The following TECR variants were observed in gnomAD, a reference collection of about 807,000 sequenced individuals.
The protein encoded by TECR is trans-2,3-enoyl-CoA reductase.
Under a neutral mutation model 50.6 loss-of-function variants are expected in TECR, and 19 were observed. The observed-to-expected ratio is 0.38, with a 90% confidence interval of 0.26 to 0.55. The LOEUF (loss-of-function observed/expected upper bound fraction) is 0.55. Among genes scored for constraint, TECR ranks in the 20% least tolerant of loss-of-function variants. TECR has a pLI of 0.79. For synonymous variants in TECR, 168 were observed against 163.5 expected (o/e 1.03, Z -0.21); for missense variants, 313 against 408.3 (o/e 0.77, Z 2.01).
At chr19:14,547,823 G>A (rs2073355776) in intron 1 of TECR, among the ~76,000 whole-genome samples, 1 of 151,508 alleles carries the variant, frequency 6.6e-6, no homozygotes, top group African/African-American at 2.4e-5. Flanking sequence ...CCTACAGCCG[G>A]CTACTTTTGT....
chr19:14,551,057 A>G (rs2073484450), intron 1 of TECR, among the ~76,000 whole-genome samples: 1 of 151,640 alleles, frequency 6.6e-6, no homozygotes. Flanking sequence ...CCTTAATTAT[A>G]TCTGCAAAGA....
rs370978743 is a variant in TECR, at chr19:14,565,131, C to A, written c.664+8C>A. 1.2e-6 allele frequency: 2 copies of A among 1,613,646 alleles called. No individual in the cohort carries two copies. The highest frequency in any genetic ancestry group is 2.7e-5 in the African/African-American group (2 of 74,934). ...GGGACCTGCGGCCCGCTGGTGAGTG[C>A]CTGCTGGGGGCAGGGGGACAGCTGG... On this transcript the variant is annotated splice_region_variant and intron_variant, in intron 10 of 12. Coordinates refer to ENST00000215567, the MANE Select transcript of TECR (RefSeq NM_138501.6).
At chr19:14,529,827 C>T in intron 1 of TECR, 116 bp downstream of exon 1, 12 of 1,474,112 alleles carry the variant, frequency 8.1e-6, no homozygotes, top group Non-Finnish European at 1.1e-5. Context: ...AGCCAGACGG[C>T]GCAGGCGCAG....
upstream of TECR, chr19:14,529,399 C>T: frequency 8.7e-6 from 5 of 571,878 alleles, no homozygotes; most frequent in Non-Finnish European, 1.6e-5. Flanking sequence ...GGTCAAGCCC[C>T]TTCTCTTTAG....
chr19:14,542,345 G>GTT, intron 1 of TECR, among the ~76,000 whole-genome samples: 1 of 60,998 alleles, frequency 1.6e-5, no homozygotes, highest in African/African-American at 5.2e-5. Context: ...TCATGCCATA[G>GTT]TGTTTTTTTT....
intron 1 of TECR, chr19:14,562,304 G>T: frequency 1.6e-6 from 1 of 639,128 alleles, no homozygotes; most frequent in Non-Finnish European, 2.8e-6. Flanking sequence ...GCTGCTTCCC[G>T]TGGGGAGGTC....
chr19:14,547,202 G>T (rs2073337685), intron 1 of TECR, among the ~76,000 whole-genome samples: 1 of 152,042 alleles, frequency 6.6e-6, no homozygotes, highest in East Asian at 1.9e-4. Flanking sequence ...GAAGCATTTA[G>T]ACTCTAGATA....
chr19:14,554,137 C>A (rs1005577682), intron 1 of TECR, among the ~76,000 whole-genome samples: 43 of 152,172 alleles, frequency 2.8e-4, no homozygotes, highest in African/African-American at 1.0e-3. Flanking sequence ...GTCTTCTGGG[C>A]TCTGGGATTT....
At chr19:14,560,982 A>G (rs1400185015) in intron 1 of TECR, among the ~76,000 whole-genome samples, 2 of 152,068 alleles carry the variant, frequency 1.3e-5, no homozygotes, top group Non-Finnish European at 2.9e-5. Flanking sequence ...TCTGAGGCCT[A>G]GAGAGAGGTG....
At chr19:14,553,317 C>T (rs1375645751) in intron 1 of TECR, among the ~76,000 whole-genome samples, 1 of 152,174 alleles carries the variant, frequency 6.6e-6, no homozygotes, top group African/African-American at 2.4e-5. Flanking sequence ...GACCCTGGCA[C>T]CTCTCGTCTT....
chr19:14,537,583 C>T (rs972463640), intron 1 of TECR, among the ~76,000 whole-genome samples: 1 of 152,090 alleles, frequency 6.6e-6, no homozygotes, highest in African/African-American at 2.4e-5. Flanking sequence ...GGCCAGAGAC[C>T]TTGAGCTAGT....
At chr19:14,555,508 C>T (rs2073691757) in intron 1 of TECR, among the ~76,000 whole-genome samples, 1 of 136,178 alleles carries the variant, frequency 7.3e-6, no homozygotes, top group African/African-American at 2.8e-5. Context: ...TGCAGTGGTG[C>T]AATCTTGGCT....
At position 14,542,468 on chromosome 19, in the gene TECR, TCTC is replaced by T. The variant is rs1329668295; in HGVS notation, c.15+12760_15+12762del. On this transcript the variant is annotated intron_variant, in intron 1 of 12. Coordinates refer to ENST00000215567, the MANE Select transcript of TECR (RefSeq NM_138501.6). ...CCTCCGCCTCCCGGGTTCAATCAAT[TCTC>T]CTGCCTCAGCCTCCTGAGTAGCTGG... Among the ~76,000 whole-genome samples the T allele has an allele frequency of 4.0e-5, 6 of 149,188 alleles. No homozygotes were observed. The Admixed American group carries it at 4.1e-4, about 10-fold the overall frequency.
chr19:14,543,405 ATATATATATATATATTTTTTTTTTTT>A (rs2073174628), intron 1 of TECR, among the ~76,000 whole-genome samples: 19 of 19,566 alleles, frequency 9.7e-4, no homozygotes, highest in Admixed American at 1.8e-3. Flanking sequence ...ATATATATAT[ATATATATATATATATTTTTTTTTTTT>A]TTTTTTTTTT....
upstream of TECR, chr19:14,529,500 G>A (rs956376335): frequency 2.7e-6 from 2 of 729,996 alleles, no homozygotes; most frequent in Admixed American, 2.0e-5. Context: ...GTTCGGACCG[G>A]CCCCAAGGAG....
rs139782700 is a variant in TECR at position 14,555,188 on chromosome 19, T to C, written c.16-7337T>C. On this transcript the variant is annotated intron_variant, in intron 1 of 12. Coordinates refer to ENST00000215567, the MANE Select transcript of TECR (RefSeq NM_138501.6). Reference sequence around the variant, plus strand: ...GGAACTCCTAGGCTTAAGCGATCCTTCTGTCACAGCCCCTGAGGAGTAGGT... The same window carrying C: ...GGAACTCCTAGGCTTAAGCGATCCTCCTGTCACAGCCCCTGAGGAGTAGGT... Among the ~76,000 whole-genome samples, 419 of 151,860 alleles carry C rather than the reference T, an allele frequency of 2.8e-3. 4 individuals are homozygous for C. The highest frequency in any genetic ancestry group is 9.7e-3 in the African/African-American group (402 of 41,444).
chr19:14,529,331 C>T (rs1028395699), upstream of TECR: 1 of 441,148 alleles, frequency 2.3e-6, no homozygotes, highest in African/African-American at 2.0e-5. Flanking sequence ...ACAGCGACGC[C>T]ATCAGGGGGC....
chr19:14,557,691 A>G (rs1377868081), intron 1 of TECR, among the ~76,000 whole-genome samples: 3 of 150,516 alleles, frequency 2.0e-5, no homozygotes, highest in Non-Finnish European at 4.4e-5. Flanking sequence ...ACCTCAGGTA[A>G]CCCGCCCACC....
At chr19:14,550,954 G>C (rs941442109) in intron 1 of TECR, among the ~76,000 whole-genome samples, 10 of 151,858 alleles carry the variant, frequency 6.6e-5, no homozygotes, top group African/African-American at 2.4e-4. Flanking sequence ...TTACAGGCAT[G>C]AACTACCACA....
Sources: allele counts gnomAD v4.1 joint callset (sites outside exome capture counted in the v4.1 genomes callset), GRCh38; gene constraint gnomAD v4.1.1; transcripts MANE v1.5; gene names NCBI Gene and HGNC (gene_info 2026-07-23, HGNC 2026-07-21).